The following PRDM15 variants were observed in gnomAD, a reference collection of about 807,000 sequenced individuals.
The protein encoded by PRDM15 is PR domain zinc finger protein 15.
PRDM15 carries 64 observed loss-of-function variants against 128.6 expected under a neutral mutation model. The observed-to-expected ratio is 0.50, with a 90% CI of 0.41 to 0.61. The LOEUF (loss-of-function observed/expected upper bound fraction) is 0.61. Among genes scored for constraint, PRDM15 ranks in the 20% least tolerant of loss-of-function variants. The pLI is 0.00. For missense variants in PRDM15, 1,242 were observed against 1,569.1 expected (o/e 0.79, Z 3.52); for synonymous variants, 615 against 621.8 (o/e 0.99, Z 0.16).
intron 6 of PRDM15, among the ~76,000 whole-genome samples, chr21:41,843,949 G>GT (rs58947663): frequency 0.019 from 1,575 of 81,462 alleles, 44 homozygotes; most frequent in African/African-American, 0.066. Flanking sequence ...ACCTTGTATT[G>GT]TAAAAAAAAA....
chr21:41,847,618 C>G (rs1349730622), intron 5 of PRDM15, among the ~76,000 whole-genome samples: 2 of 152,188 alleles, frequency 1.3e-5, no homozygotes, highest in Non-Finnish European at 2.9e-5. Flanking sequence ...GCCAGTGGCG[C>G]CCCCGTGTGT....
intron 3 of PRDM15, chr21:41,858,991 G>A (rs1020896276): frequency 3.1e-5 from 46 of 1,469,260 alleles, no homozygotes; most frequent in Admixed American, 8.0e-5. Flanking sequence ...CTCTACAGAG[G>A]CCACCGAGGT....
intron 18 of PRDM15, among the ~76,000 whole-genome samples, chr21:41,819,317 G>A (rs1284249832): frequency 7.4e-6 from 1 of 135,648 alleles, no homozygotes; most frequent in African/African-American, 2.8e-5. Context: ...GTGGCCCCCA[G>A]CACCCACACC....
Position 41,854,487 on chromosome 21 carries a change from C to A in PRDM15, c.538+79G>T. 6.4e-7 allele frequency: 1 copy of A among 1,555,102 alleles called. No homozygotes were observed. Among genetic ancestry groups the A allele is most frequent in the Non-Finnish European group, 8.7e-7 (1 of 1,152,920 alleles). On this transcript the variant is annotated intron_variant, in intron 5 of 23. Transcript: ENST00000398548. The surrounding 1 kb of genome is among the most constrained non-coding windows in gnomAD (Gnocchi z 4.6). The stretch of plus-strand genomic sequence containing the variant: ...CCAACCCATCTCATCAGTGTGGGGT[C>A]AGCACAGAGCCAAGGGACCATAACC...
chr21:41,803,094 C>A (rs1024930178), intron 22 of PRDM15, 173 bp from the exon 23 acceptor site: 2 of 627,778 alleles, frequency 3.2e-6, no homozygotes, highest in East Asian at 5.3e-5. Flanking sequence ...TTCTAAGGAT[C>A]GGGGCAAGTT....
Position 41,810,244 on chromosome 21 carries a change from G to T in PRDM15, c.2562C>A (p.Asp854Glu), listed in dbSNP as rs1380157899. The T allele has an allele frequency of 3.1e-6, 5 of 1,613,334 alleles. No individual in the cohort carries two copies. The highest frequency in any genetic ancestry group is 4.2e-6 in the Non-Finnish European group (5 of 1,179,918). The change falls in exon 21 of 24, where the codon GAC becomes GAA. Residue 854 changes from aspartate to glutamate, a missense_variant. By Grantham distance (45) the Asp-to-Glu change is conservative. Around this residue, in one of 3 missense-constraint regions of PRDM15, gnomAD observed 602 missense variants for 788.3 expected, o/e 0.76. Transcript: ENST00000398548. The surrounding 1 kb of genome is among the most constrained non-coding windows in gnomAD (Gnocchi z 6.4). ...MLQKHVQLTH[D>E]KVEAQSCQLC... The stretch of plus-strand genomic sequence containing the variant: ...GCTGGCAGCTCTGCGCCTCCACCTT[G>T]TCGTGTGTGAGCTGAACGTGCTTCT...
chr21:41,856,259 C>T (rs13050722), intron 4 of PRDM15, among the ~76,000 whole-genome samples: 4 of 13,430 alleles, frequency 3.0e-4, no homozygotes, highest in Non-Finnish European at 4.9e-4. Context: ...CCTCCCTCCC[C>T]TCCCTTCCTT....
chr21:41,818,777 T>A (rs989540727), intron 18 of PRDM15, among the ~76,000 whole-genome samples: 22 of 150,850 alleles, frequency 1.5e-4, no homozygotes, highest in East Asian at 5.8e-4. Flanking sequence ...GAAGTTGTTT[T>A]AAAAAAAAAA....
intron 17 of PRDM15, 127 bp from the exon 18 acceptor site, chr21:41,819,828 C>T (rs978739384): frequency 5.5e-5 from 71 of 1,287,742 alleles, no homozygotes; most frequent in Middle Eastern, 2.6e-4. Context: ...GGGGTGGGGT[C>T]GCCTCTTCAG....
At chr21:41,842,708 C>T (rs1006795067) in intron 6 of PRDM15, among the ~76,000 whole-genome samples, 3 of 151,240 alleles carry the variant, frequency 2.0e-5, no homozygotes, top group African/African-American at 7.3e-5. Context: ...CCAGGATGGT[C>T]TTGATCTCTT....
At chr21:41,835,388 G>C (rs1264237027) in intron 11 of PRDM15, 49 bp downstream of exon 11, 2 of 1,481,596 alleles carry the variant, frequency 1.3e-6, no homozygotes, top group Admixed American at 1.7e-5. Context: ...GGCGTATCTA[G>C]AATCCGTACC....
chr21:41,801,142 A>T lies in PRDM15; in HGVS notation c.*98T>A, dbSNP rs2061404047. The T allele has an allele frequency of 6.8e-7, 1 of 1,462,162 alleles. No homozygotes were observed. The highest frequency in any genetic ancestry group is 1.4e-5 in the African/African-American group (1 of 70,868). 90.6% of individuals were successfully genotyped at this position (1,462,162 alleles called of 1,614,324 possible). On this transcript the variant is annotated 3_prime_UTR_variant, in exon 24 of 24. Coordinates refer to ENST00000398548, the MANE Select transcript of PRDM15 (RefSeq NM_001040424.3). ...AAAGCTAAGTCAACCTTACATTGCA[A>T]TGTATGACTTTTTGTTTGTTTGGTA...
chr21:41,818,866 T>C (rs2062145262), intron 18 of PRDM15, among the ~76,000 whole-genome samples: 1 of 152,190 alleles, frequency 6.6e-6, no homozygotes, highest in Non-Finnish European at 1.5e-5. Context: ...AGACATCTTA[T>C]TACTAGGTTT....
rs952848104 is a variant in PRDM15, at chr21:41,826,064, C to T, written c.1535-10G>A. On this transcript the variant is annotated splice_polypyrimidine_tract_variant and intron_variant, in intron 12 of 23. Coordinates refer to ENST00000398548, the MANE Select transcript of PRDM15 (RefSeq NM_001040424.3). ...TTCACTCGCCGCACTCCTGAAATTG[C>T]CAACCCCACCAGCAAGACAGTGAAT... 1.9e-6 allele frequency: 3 copies of T among 1,609,080 alleles called. No individual in the cohort carries two copies. Among genetic ancestry groups the T allele is most frequent in the African/African-American group, 2.7e-5 (2 of 74,932 alleles).
intron 11 of PRDM15, among the ~76,000 whole-genome samples, chr21:41,830,329 CCA>C (rs1204178363): frequency 5.3e-5 from 8 of 151,162 alleles, no homozygotes; most frequent in East Asian, 2.0e-4. Context: ...AACACATACA[CCA>C]CACACAACCC....
intron 1 of PRDM15, among the ~76,000 whole-genome samples, chr21:41,874,525 A>ATATATATATATATT: frequency 1.0e-5 from 1 of 95,828 alleles, no homozygotes; most frequent in Non-Finnish European, 2.0e-5. Flanking sequence ...ATATATATAT[A>ATATATATATATATT]TTTTTTTTTT....
chr21:41,831,718 G>A (rs569298527), intron 11 of PRDM15, among the ~76,000 whole-genome samples: 18 of 152,320 alleles, frequency 1.2e-4, no homozygotes, highest in African/African-American at 4.1e-4. Context: ...CAGGGGAAGC[G>A]CTGGGAGGGG....
In PRDM15 at chr21:41,862,827, C is replaced by T. The variant is rs140128916; in HGVS notation, c.-9-2455G>A. Among the ~76,000 whole-genome samples the T allele has an allele frequency of 2.1e-3, 319 of 152,216 alleles. 2 individuals carry two copies. The highest frequency in any genetic ancestry group is 7.2e-3 in the African/African-American group (299 of 41,526). ...GCACACAAGACATCCCAGAACAAGG[C>T]ACACAGGAAGTACTGTTTCAGGGAA... On this transcript the variant is annotated intron_variant, in intron 1 of 23. Transcript: ENST00000398548. This position sits in a 1 kb window ranked among gnomAD's most constrained non-coding sequence, Gnocchi z 4.1.
intron 21 of PRDM15, among the ~76,000 whole-genome samples, chr21:41,805,560 G>GC (rs1307545485): frequency 2.0e-5 from 3 of 152,146 alleles, no homozygotes; most frequent in African/African-American, 7.2e-5. Flanking sequence ...GTCTGTAAGT[G>GC]TTTTAAGTTA....
Sources: allele counts gnomAD v4.1 joint callset (sites outside exome capture counted in the v4.1 genomes callset), GRCh38; gene constraint gnomAD v4.1.1; regional missense constraint gnomAD v4.1.1; non-coding constraint Gnocchi (gnomAD v3.1); transcripts MANE v1.5; gene names NCBI Gene and HGNC (gene_info 2026-07-23, HGNC 2026-07-21).